PASK: variants seen among roughly 807,000 people sequenced by gnomAD.
The protein encoded by PASK is PAS domain-containing serine/threonine-protein kinase.
Under a neutral mutation model 121.0 loss-of-function variants are expected in PASK, and 110 were observed. The ratio of observed to expected loss-of-function variants is 0.91; its 90% CI spans 0.78 to 1.06. The LOEUF (loss-of-function observed/expected upper bound fraction) is 1.06. Ranked by LOEUF, PASK falls within the 50% of genes least tolerant of loss-of-function variation. The pLI is 0.00. For synonymous variants in PASK, 686 were observed against 717.8 expected, an observed-to-expected ratio of 0.96 and a Z score of 0.71; for missense variants, 1,643 against 1,702.3, an observed-to-expected ratio of 0.97 and a Z score of 0.61.
chr2:241,135,368 A>C (rs2066360268), intron 8 of PASK, among the ~76,000 whole-genome samples: 1 of 152,130 alleles, frequency 6.6e-6, no homozygotes, highest in African/African-American at 2.4e-5. Flanking sequence ...CCACCCGTGG[A>C]ACGCAGGTGC....
At chr2:241,138,625 T>A in intron 5 of PASK, 29 bp downstream of exon 5, 1 of 1,613,164 alleles carries the variant, frequency 6.2e-7, no homozygotes, top group South Asian at 1.1e-5. Context: ...CCAGCGTCCA[T>A]GAGACATGAG....
intron 12 of PASK, 60 bp downstream of exon 12, chr2:241,122,672 A>G (rs757236099): frequency 3.1e-5 from 47 of 1,532,594 alleles, no homozygotes; most frequent in Non-Finnish European, 3.8e-5. Flanking sequence ...AACTGGGACC[A>G]AAAGTCGAGA....
chr2:241,110,507 C>T (rs1236439490), intron 15 of PASK, among the ~76,000 whole-genome samples: 4 of 152,226 alleles, frequency 2.6e-5, no homozygotes, highest in Admixed American at 2.6e-4. Flanking sequence ...AGCAGTACAC[C>T]GCTCACAGCC....
rs551863679 is a variant in PASK at position 241,119,400 on chromosome 2, C to A, written c.3072+3332G>T. 5.3e-5 allele frequency among the ~76,000 whole-genome samples: 8 copies of A among 152,100 alleles called. No individual in the cohort carries two copies. The South Asian group carries it at 1.7e-3, about 32-fold the overall frequency. ...TGTGCCCACCCTCCAAGGGCCTCCTCTACACCAATGAGGCCTCATCCATGC... is the reference window on the plus strand; with the variant it reads ...TGTGCCCACCCTCCAAGGGCCTCCTATACACCAATGAGGCCTCATCCATGC... On this transcript the variant is annotated intron_variant, in intron 12 of 17. Transcript: ENST00000234040.
At chr2:241,113,990 G>T in intron 14 of PASK, 2 of 979,306 alleles carry the variant, frequency 2.0e-6, no homozygotes, top group South Asian at 4.7e-5. Context: ...GATTCTTTTG[G>T]CAAAAATTTT....
chr2:241,140,741 C>T lies in PASK; in HGVS notation c.209G>A (p.Ser70Asn), dbSNP rs753861631. ...SRTALSEDRW[S>N]SYCLSSLAAQ... ...AGCCAGTGATGATAGACAATAGGAG[C>T]TCCATCTGTCTTCTGAAAAGAGAAG... The change falls in exon 3 of 18, where the codon AGC becomes AAC. Residue 70 changes from serine to asparagine, a missense_variant. Coordinates refer to ENST00000234040, the MANE Select transcript of PASK (RefSeq NM_015148.4). 6.2e-7 allele frequency: 1 copy of T among 1,607,614 alleles called. No homozygotes were observed. Among genetic ancestry groups the T allele is most frequent in the Non-Finnish European group, 8.5e-7 (1 of 1,174,066 alleles).
At chr2:241,138,304 GC>G (rs1243504474) in intron 5 of PASK, among the ~76,000 whole-genome samples, 3 of 152,202 alleles carry the variant, frequency 2.0e-5, no homozygotes, top group Non-Finnish European at 4.4e-5. Context: ...TTCTTCAGGA[GC>G]CTGGCCCACA....
At chr2:241,120,564 G>A (rs2065564483) in intron 12 of PASK, among the ~76,000 whole-genome samples, 1 of 152,022 alleles carries the variant, frequency 6.6e-6, no homozygotes, top group South Asian at 2.1e-4. Context: ...CAGCCAATAA[G>A]ATCATGAAAA....
Position 241,149,140 on chromosome 2 carries a change from G to A in PASK, c.-43+274C>T, listed in dbSNP as rs377488401. Among the ~76,000 whole-genome samples, 27 of 150,756 alleles carry A rather than the reference G, an allele frequency of 1.8e-4. No homozygotes were observed. In the South Asian group the frequency reaches 5.0e-3, roughly 28 times the overall value. ...GAGGCGCGGGGCCTCGGCGCCCACCGGGCAGGCTACACTGAAGGGCACCCC... is the reference window on the plus strand; with the variant it reads ...GAGGCGCGGGGCCTCGGCGCCCACCAGGCAGGCTACACTGAAGGGCACCCC... On this transcript the variant is annotated intron_variant, in intron 1 of 17. Transcript: ENST00000234040.
intron 2 of PASK, 90 bp from the exon 3 acceptor site, chr2:241,140,843 C>CAACT: frequency 1.3e-6 from 1 of 791,968 alleles, no homozygotes; most frequent in Non-Finnish European, 2.2e-6. Context: ...CCCTTGCCCT[C>CAACT]AACTCCTGCA....
intron 14 of PASK, chr2:241,114,164 AC>A: frequency 1.0e-6 from 1 of 984,350 alleles, no homozygotes; most frequent in Non-Finnish European, 1.2e-6. Flanking sequence ...GGAGGACGTC[AC>A]CTTCCAACAC....
intron 12 of PASK, among the ~76,000 whole-genome samples, chr2:241,117,567 T>C (rs1414089883): frequency 6.6e-6 from 1 of 152,192 alleles, no homozygotes; most frequent in Non-Finnish European, 1.5e-5. Flanking sequence ...GCTTTAAATA[T>C]TCAGATCAAA....
Position 241,108,355 on chromosome 2 carries a change from GC to G in PASK, c.3534-56del. On this transcript the variant is annotated intron_variant, in intron 15 of 17. Coordinates refer to ENST00000234040, the MANE Select transcript of PASK (RefSeq NM_015148.4). The surrounding 1 kb of genome is among the most constrained non-coding windows in gnomAD (Gnocchi z 5.2). ...ACGGCACTCAGCGCAGGCTTGCCAA[GC>G]CCGCCCATGGGAAGCACCATGGCCC... The G allele has an allele frequency of 6.3e-7, 1 of 1,595,820 alleles. No homozygotes were observed. The highest frequency in any genetic ancestry group is 8.6e-7 in the Non-Finnish European group (1 of 1,168,388).
chr2:241,141,316 G>T (rs115395057), intron 2 of PASK, among the ~76,000 whole-genome samples: 6 of 152,082 alleles, frequency 3.9e-5, no homozygotes, highest in African/African-American at 1.2e-4. Flanking sequence ...ACACTCAAAG[G>T]TTCCTTCCTT....
chr2:241,149,432 A>C lies in PASK; in HGVS notation c.-61T>G. On this transcript the variant is annotated 5_prime_UTR_variant, in exon 1 of 18. Coordinates refer to ENST00000234040, the MANE Select transcript of PASK (RefSeq NM_015148.4). The stretch of plus-strand genomic sequence containing the variant: ...ATCTCACCTGGATCAGGCGAGGGTC[A>C]CGCCAAGCCGGCTACACACCACGGA... The C allele has an allele frequency of 1.8e-6, 1 of 550,432 alleles. No individual in the cohort carries two copies. Among genetic ancestry groups the C allele is most frequent in the South Asian group, 2.1e-5 (1 of 46,754 alleles). 34.1% of individuals were successfully genotyped at this position (550,432 alleles called of 1,614,324 possible). A position where few individuals can be genotyped will look rare whatever the true frequency, so the allele number is the denominator to read the frequency against.
Position 241,112,378 on chromosome 2 carries a change from T to TC in PASK, c.3394dup (p.Glu1132GlyfsTer68). ...GAAGTCCTCGGCGATCACGATGTTC[T>TC]CATCCTTGATGTCACGGTGGATGAT... On this transcript the variant is annotated frameshift_variant, in exon 15 of 18. Coordinates refer to ENST00000234040, the MANE Select transcript of PASK (RefSeq NM_015148.4). LOFTEE classifies it high-confidence loss of function. This position sits in a 1 kb window ranked among gnomAD's most constrained non-coding sequence, Gnocchi z 5.2. The TC allele has an allele frequency of 6.2e-7, 1 of 1,613,806 alleles. No individual in the cohort carries two copies. The highest frequency in any genetic ancestry group is 1.1e-5 in the South Asian group (1 of 91,054).
intron 11 of PASK, among the ~76,000 whole-genome samples, chr2:241,123,174 CT>C (rs528024638): frequency 0.018 from 2,456 of 132,908 alleles, 44 homozygotes; most frequent in African/African-American, 0.059. Context: ...AAAGTGGCTT[CT>C]TTTTTTTTTT....
chr2:241,149,661 C>G (rs768594227), upstream of PASK: 13 of 1,544,100 alleles, frequency 8.4e-6, no homozygotes, highest in Middle Eastern at 3.4e-4. Flanking sequence ...GCGCCTCCGC[C>G]CCCGGGCCGG....
intron 1 of PASK, among the ~76,000 whole-genome samples, chr2:241,144,241 A>G (rs2066849502): frequency 1.3e-5 from 2 of 152,230 alleles, no homozygotes. Flanking sequence ...GAGATACTTA[A>G]GAGTTCCATC....
Sources: gnomAD v4.1 joint callset for allele counts (sites outside exome capture counted in the v4.1 genomes callset) on GRCh38, gnomAD v4.1.1 for gene constraint, Gnocchi (gnomAD v3.1) non-coding constraint, MANE v1.5 for transcripts, NCBI Gene and HGNC (gene_info 2026-07-23, HGNC 2026-07-21) for gene names.